PPP6R3: variants seen among roughly 807,000 people sequenced by gnomAD.
PPP6R3 encodes serine/threonine-protein phosphatase 6 regulatory subunit 3.
In PPP6R3, 38 loss-of-function variants were observed where a neutral mutation model predicts 110.7. The observed-to-expected ratio is 0.34, with a 90% CI of 0.26 to 0.45. The LOEUF is 0.45. PPP6R3 is among the 20% of genes least tolerant of loss of function. The pLI, the probability that PPP6R3 is intolerant of heterozygous loss-of-function variation, is 1.00. For synonymous variants in PPP6R3, 369 were observed against 373.5 expected (o/e 0.99, Z 0.14); for missense variants, 870 against 1,062.4 (o/e 0.82, Z 2.52).
At chr11:68,545,146 AT>A (rs2099344558) in intron 4 of PPP6R3, 122 bp downstream of exon 4, 1 of 641,786 alleles carries the variant, frequency 1.6e-6, no homozygotes, top group African/African-American at 1.8e-5. Flanking sequence ...AAGAGAATGT[AT>A]TTTAAACCTT....
At chr11:68,596,357 C>T in intron 19 of PPP6R3, 139 bp downstream of exon 19, 1 of 1,210,524 alleles carries the variant, frequency 8.3e-7, no homozygotes, top group Non-Finnish European at 1.2e-6. Flanking sequence ...AAGTGAATTC[C>T]TCTTGGAGGT....
At position 68,615,178 on chromosome 11, in the gene PPP6R3, G is replaced by A. The variant is rs182261946; in HGVS notation, c.*2061G>A. On this transcript the variant is annotated 3_prime_UTR_variant, in exon 24 of 24. Transcript: ENST00000393800. ...GGACAGTTCTTTTGGAGGTTGGAGGGGCCAAGCCAAGGACAGGAGCAAGTG... is the reference window on the plus strand; with the variant it reads ...GGACAGTTCTTTTGGAGGTTGGAGGAGCCAAGCCAAGGACAGGAGCAAGTG... 369 of 442,164 alleles carry A rather than the reference G, an allele frequency of 8.3e-4. 3 individuals are homozygous for A. In the Admixed American group the frequency reaches 8.8e-3, roughly 11 times the overall value. The allele number at this position is 442,164 out of a possible 1,614,324, so 27.4% of individuals were successfully genotyped here.
At chr11:68,516,040 C>T (rs935705684) in intron 1 of PPP6R3, among the ~76,000 whole-genome samples, 2 of 152,168 alleles carry the variant, frequency 1.3e-5, no homozygotes, top group African/African-American at 4.8e-5. Context: ...TGAGTACCTC[C>T]AATAAGTTGG....
intron 18 of PPP6R3, among the ~76,000 whole-genome samples, chr11:68,594,395 G>A (rs1332047524): frequency 6.6e-6 from 1 of 151,704 alleles, no homozygotes; most frequent in African/African-American, 2.4e-5. Flanking sequence ...GGTGGCTCAT[G>A]CCTACAATCC....
chr11:68,551,938 C>T (rs1033679998), intron 6 of PPP6R3, among the ~76,000 whole-genome samples: 3 of 152,180 alleles, frequency 2.0e-5, no homozygotes, highest in African/African-American at 7.2e-5. Flanking sequence ...CTAGCCGTGG[C>T]TGTTAAGCTC....
intron 22 of PPP6R3, 65 bp from the exon 23 acceptor site, chr11:68,609,839 A>C (rs2153973344): frequency 6.2e-7 from 1 of 1,606,572 alleles, no homozygotes; most frequent in Non-Finnish European, 8.5e-7. Flanking sequence ...ATGTGACCTC[A>C]TCCTCTGGTG....
intron 1 of PPP6R3, among the ~76,000 whole-genome samples, chr11:68,475,750 G>A (rs1483607036): frequency 1.3e-5 from 2 of 151,838 alleles, no homozygotes; most frequent in African/African-American, 2.4e-5. Context: ...AGACGGGGCG[G>A]CTGCCGGGCG....
intron 1 of PPP6R3, among the ~76,000 whole-genome samples, chr11:68,496,188 T>C (rs911209128): frequency 7.9e-5 from 12 of 152,080 alleles, no homozygotes; most frequent in Middle Eastern, 3.4e-3. Context: ...TTTTCTTTTT[T>C]TTTTTTTGTT....
intron 1 of PPP6R3, among the ~76,000 whole-genome samples, chr11:68,509,470 A>ATTTTTTT (rs34228704): frequency 8.6e-6 from 1 of 116,474 alleles, no homozygotes; most frequent in Non-Finnish European, 1.8e-5. Context: ...TTACTTCTCT[A>ATTTTTTT]TTTTTTTTTT....
At position 68,546,397 on chromosome 11, in the gene PPP6R3, C is replaced by T. The variant is rs752845682; in HGVS notation, c.414+1373C>T. ...TCTGTGCTGTTGGAATCCAAGTTGG[C>T]GAGCCCCGATTTTCAGTGTACACAT... On this transcript the variant is annotated intron_variant, in intron 4 of 23. Transcript: ENST00000393800. 4.8e-4 allele frequency among the ~76,000 whole-genome samples: 73 copies of T among 152,168 alleles called. 1 individual carries two copies. Among genetic ancestry groups the T allele is most frequent in the Admixed American group, 4.6e-3 (71 of 15,278 alleles).
rs374875979 is a variant in PPP6R3 at position 68,555,105 on chromosome 11, A to G, written c.731+848A>G. On this transcript the variant is annotated intron_variant, in intron 7 of 23. Coordinates refer to ENST00000393800, the MANE Select transcript of PPP6R3 (RefSeq NM_001164161.2). The stretch of plus-strand genomic sequence containing the variant: ...TGTGTCTTCAACCCTGTCTTTGCGA[A>G]GTGGAATTGTGTTTTCCTAGCATGT... 1.4e-4 allele frequency among the ~76,000 whole-genome samples: 21 copies of G among 152,186 alleles called. No individual in the cohort carries two copies. The East Asian group carries it at 1.9e-3, about 14-fold the overall frequency.
At chr11:68,491,509 A>G (rs1320029150) in intron 1 of PPP6R3, among the ~76,000 whole-genome samples, 2 of 151,870 alleles carry the variant, frequency 1.3e-5, no homozygotes, top group African/African-American at 2.4e-5. Flanking sequence ...GTGCCCAGCT[A>G]TTTTTTTAAA....
chr11:68,560,828 T>G (rs1463311231), intron 8 of PPP6R3, among the ~76,000 whole-genome samples: 6 of 151,988 alleles, frequency 3.9e-5, no homozygotes, highest in African/African-American at 1.5e-4. Context: ...ATAAATGGCA[T>G]AGTATTTGCA....
chr11:68,520,558 C>G (rs949310056), intron 2 of PPP6R3, among the ~76,000 whole-genome samples: 2 of 152,134 alleles, frequency 1.3e-5, no homozygotes, highest in Non-Finnish European at 2.9e-5. Context: ...TCTCCTCAGC[C>G]CCAGCTCCTG....
intron 3 of PPP6R3, 109 bp downstream of exon 3, chr11:68,538,000 G>A (rs987162880): frequency 2.4e-6 from 2 of 818,216 alleles, no homozygotes; most frequent in East Asian, 2.8e-5. Flanking sequence ...TTTACAGAAG[G>A]GTAAGATAGT....
intron 4 of PPP6R3, among the ~76,000 whole-genome samples, chr11:68,547,700 A>T (rs2099354810): frequency 6.6e-6 from 1 of 152,246 alleles, no homozygotes; most frequent in Non-Finnish European, 1.5e-5. Flanking sequence ...TGCAAAATCT[A>T]ACAGACATGC....
chr11:68,491,374 G>GTGTGTGTT (rs1565381585), intron 1 of PPP6R3, among the ~76,000 whole-genome samples: 1 of 143,778 alleles, frequency 7.0e-6, no homozygotes, highest in African/African-American at 2.7e-5. Context: ...GTGTGTGTGT[G>GTGTGTGTT]TGTGTTTGAG....
chr11:68,579,504 T>A (rs980547627), intron 14 of PPP6R3, among the ~76,000 whole-genome samples: 19 of 152,366 alleles, frequency 1.2e-4, no homozygotes, highest in Admixed American at 6.5e-4. Context: ...TGTATTTGTT[T>A]ATATTCAGTG....
At chr11:68,555,859 A>G (rs1415869463) in intron 7 of PPP6R3, among the ~76,000 whole-genome samples, 1 of 152,222 alleles carries the variant, frequency 6.6e-6, no homozygotes, top group African/African-American at 2.4e-5. Flanking sequence ...AACAGTGGAA[A>G]GAAAATCTGT....
Sources: allele counts gnomAD v4.1 joint callset (sites outside exome capture counted in the v4.1 genomes callset), GRCh38; gene constraint gnomAD v4.1.1; transcripts MANE v1.5; gene names NCBI Gene and HGNC (gene_info 2026-07-23, HGNC 2026-07-21).